The following DNAJC6 variants were observed in gnomAD, a reference collection of about 807,000 sequenced individuals.
DNAJC6 encodes the protein DnaJ heat shock protein family (Hsp40) member C6.
Under a neutral mutation model 110.0 loss-of-function variants are expected in DNAJC6, and 34 were observed. The observed-to-expected ratio is 0.31, with a 90% CI of 0.24 to 0.41. The LOEUF (loss-of-function observed/expected upper bound fraction) is 0.41, where lower values mean the gene tolerates loss of function less well. Among genes scored for constraint, DNAJC6 ranks in the 10% least tolerant of loss-of-function variants. DNAJC6 has a pLI of 1.00. For synonymous variants in DNAJC6, 406 were observed against 437.2 expected, an observed-to-expected ratio of 0.93 and a Z score of 0.89; for missense variants, 1,031 against 1,207.8, an observed-to-expected ratio of 0.85 and a Z score of 2.17.
chr1:65,361,862 C>T (rs1645600824), intron 1 of DNAJC6, among the ~76,000 whole-genome samples: 1 of 152,096 alleles, frequency 6.6e-6, no homozygotes, highest in African/African-American at 2.4e-5. Flanking sequence ...CTTATTATAA[C>T]AAATAGCCTA....
intron 4 of DNAJC6, among the ~76,000 whole-genome samples, chr1:65,373,399 A>G (rs1645727505): frequency 6.6e-6 from 1 of 152,096 alleles, no homozygotes; most frequent in Non-Finnish European, 1.5e-5. Context: ...CTTCCCACCT[A>G]CATTGTATAA....
intron 1 of DNAJC6, among the ~76,000 whole-genome samples, chr1:65,346,907 C>T (rs1361247278): frequency 1.3e-5 from 2 of 152,058 alleles, no homozygotes; most frequent in African/African-American, 2.4e-5. Context: ...AACACCACCC[C>T]CGCTCCACCA....
In DNAJC6 at chr1:65,326,938, TA is replaced by T. The variant is rs139936283; in HGVS notation, c.193+17001del. ...ACTAGGGCATGTGAGGAACCTGTCTTATGTTGAGATGGATGGCAAAGCCCTA... is the reference window on the plus strand; with the variant it reads ...ACTAGGGCATGTGAGGAACCTGTCTTTGTTGAGATGGATGGCAAAGCCCTA... On this transcript the variant is annotated intron_variant, in intron 1 of 18. Transcript: ENST00000371069. 4.3e-3 allele frequency among the ~76,000 whole-genome samples: 652 copies of T among 152,304 alleles called. 3 individuals carry two copies. The highest frequency in any genetic ancestry group is 0.015 in the African/African-American group (630 of 41,562).
intron 1 of DNAJC6, among the ~76,000 whole-genome samples, chr1:65,325,169 G>A (rs1436417917): frequency 2.0e-5 from 3 of 152,190 alleles, no homozygotes; most frequent in Non-Finnish European, 4.4e-5. Flanking sequence ...GGTCCTAGAA[G>A]TTTGGGTCTC....
intron 1 of DNAJC6, among the ~76,000 whole-genome samples, chr1:65,278,845 C>T (rs1380767772): frequency 6.6e-6 from 1 of 152,106 alleles, no homozygotes; most frequent in Non-Finnish European, 1.5e-5. Context: ...ACTTTCCTAA[C>T]TCATTGATCA....
intron 1 of DNAJC6, chr1:65,279,223 G>T: frequency 1.1e-6 from 1 of 942,322 alleles, no homozygotes; most frequent in Non-Finnish European, 1.3e-6. Flanking sequence ...GGTGATGGTG[G>T]CGTGCAGAGA....
At chr1:65,402,031 G>A in intron 15 of DNAJC6, 151 bp downstream of exon 15, 1 of 1,143,262 alleles carries the variant, frequency 8.7e-7, no homozygotes. Flanking sequence ...CCTGAGATTG[G>A]CTTTTTAAAA....
chr1:65,355,491 A>G (rs1645534828), intron 1 of DNAJC6, among the ~76,000 whole-genome samples: 1 of 152,062 alleles, frequency 6.6e-6, no homozygotes, highest in African/African-American at 2.4e-5. Context: ...CATGGATGCT[A>G]CACATGCCCC....
intron 1 of DNAJC6, among the ~76,000 whole-genome samples, chr1:65,315,632 T>G (rs1645142197): frequency 6.6e-6 from 1 of 152,220 alleles, no homozygotes; most frequent in Non-Finnish European, 1.5e-5. Context: ...TACAATTTAA[T>G]TATTATAATT....
At chr1:65,408,889 C>A in intron 17 of DNAJC6, 106 bp downstream of exon 17, 2 of 1,319,978 alleles carry the variant, frequency 1.5e-6, no homozygotes, top group Admixed American at 2.8e-5. Context: ...TGTCTTAGCC[C>A]ATTCAGGCTG....
At chr1:65,273,770 A>G (rs1370114997) in intron 1 of DNAJC6, among the ~76,000 whole-genome samples, 1 of 152,088 alleles carries the variant, frequency 6.6e-6, no homozygotes, top group East Asian at 1.9e-4. Flanking sequence ...ATTTTTAAAC[A>G]GTTGGGGAGT....
chr1:65,398,568 CA>C (rs1317344118), intron 13 of DNAJC6, among the ~76,000 whole-genome samples: 2 of 152,138 alleles, frequency 1.3e-5, no homozygotes, highest in African/African-American at 4.8e-5. Flanking sequence ...CAAAGTGAGA[CA>C]AAGAAGGAGC....
upstream of DNAJC6, among the ~76,000 whole-genome samples, chr1:65,309,336 C>A (rs1484639746): frequency 6.6e-6 from 1 of 151,478 alleles, no homozygotes; most frequent in East Asian, 2.0e-4. Flanking sequence ...TCCCTCCCCG[C>A]GGGCCAGCGG....
chr1:65,392,375 A>G, intron 11 of DNAJC6, 56 bp from the exon 12 acceptor site: 1 of 1,474,434 alleles, frequency 6.8e-7, no homozygotes, highest in East Asian at 2.3e-5. Flanking sequence ...TTATAACAAA[A>G]ACCAACAATG....
rs1220890080 is a variant in DNAJC6 at position 65,385,802 on chromosome 1, A to G, written c.891A>G (p.Pro297=). 6.2e-7 allele frequency: 1 copy of G among 1,614,126 alleles called. No individual in the cohort carries two copies. Among genetic ancestry groups the G allele is most frequent in the South Asian group, 1.1e-5 (1 of 91,074 alleles). Residue 297 remains proline, a synonymous_variant, in exon 7 of 19, where the codon CCA becomes CCG. Transcript: ENST00000371069. ...CAATTAAGTCGATCACTGTCAGTCC[A>G]ATACCCTTTTTCAACAAACAGAGGA... ...PLTIKSITVS[P]IPFFNKQRNG... is the part of the protein sequence containing the mutation.
chr1:65,297,584 AT>A (rs1644940233), intron 1 of DNAJC6, among the ~76,000 whole-genome samples: 1 of 152,220 alleles, frequency 6.6e-6, no homozygotes. Context: ...CCATTTTGCT[AT>A]TCTAACCTTC....
At chr1:65,359,749 A>G (rs977863319) in intron 1 of DNAJC6, among the ~76,000 whole-genome samples, 10 of 152,308 alleles carry the variant, frequency 6.6e-5, no homozygotes, top group Admixed American at 3.3e-4. Context: ...CCAGAGAGTA[A>G]ATGCTTTAGA....
At chr1:65,271,413 A>G (rs1442399038) in intron 1 of DNAJC6, among the ~76,000 whole-genome samples, 3 of 152,012 alleles carry the variant, frequency 2.0e-5, no homozygotes, top group Admixed American at 6.6e-5. Context: ...TTCCCTGCCC[A>G]TGCCCCCACC....
intron 1 of DNAJC6, among the ~76,000 whole-genome samples, chr1:65,342,264 C>T (rs982304686): frequency 6.6e-6 from 1 of 152,088 alleles, no homozygotes; most frequent in African/African-American, 2.4e-5. Context: ...TGTGTCCCCT[C>T]CTTTCCCAGA....
Sources: allele counts gnomAD v4.1 joint callset (sites outside exome capture counted in the v4.1 genomes callset), GRCh38; gene constraint gnomAD v4.1.1; transcripts MANE v1.5; gene names NCBI Gene and HGNC (gene_info 2026-07-23, HGNC 2026-07-21).